The following DLGAP2 variants were observed in gnomAD, a reference collection of about 807,000 sequenced individuals.
DLGAP2 encodes the protein DLG associated protein 2.
Under a neutral mutation model 100.3 loss-of-function variants are expected in DLGAP2, and 26 were observed. The ratio of observed to expected loss-of-function variants is 0.26; its 90% CI spans 0.19 to 0.36. The LOEUF is 0.36. Among genes scored for constraint, DLGAP2 ranks in the 10% least tolerant of loss-of-function variants. The pLI is 1.00. For synonymous variants in DLGAP2, 886 were observed against 630.1 expected (o/e 1.41, Z -6.08); for missense variants, 1,858 against 1,453.2 (o/e 1.28, Z -4.53).
At chr8:1,068,833 A>G (rs6559208) in intron 2 of DLGAP2, among the ~76,000 whole-genome samples, 61,982 of 151,938 alleles carry the variant, frequency 0.41, 13,427 homozygotes, top group African/African-American at 0.57. Flanking sequence ...TCTCCAGCCC[A>G]TCCTCTCCCT....
Position 1,701,272 on chromosome 8 carries a change from C to A in DLGAP2, c.3034C>A (p.Pro1012Thr). The change falls in exon 15 of 15, where the codon CCC (proline) becomes ACC (threonine). Residue 1012 changes from proline (P) to threonine (T), a missense_variant. Physicochemically the swap from Pro to Thr is conservative, Grantham distance 38. Transcript: ENST00000637795. The stretch of plus-strand genomic sequence containing the variant: ...CACAAGAGAAAAATCCCTGGACCTG[C>A]CCGACAGACAACGCCAGGAAGCCCG... ...PITREKSLDLPDRQRQEARRR... is the reference protein window; with the variant it reads ...PITREKSLDLTDRQRQEARRR... The A allele has an allele frequency of 6.3e-7, 1 of 1,583,378 alleles. No homozygotes were observed. The highest frequency in any genetic ancestry group is 8.6e-7 in the Non-Finnish European group (1 of 1,165,602).
At chr8:1,459,395 C>T (rs1798410258) in intron 3 of DLGAP2, among the ~76,000 whole-genome samples, 1 of 152,228 alleles carries the variant, frequency 6.6e-6, no homozygotes, top group Admixed American at 6.5e-5. Flanking sequence ...TTTTAAGCGC[C>T]ACGTTCAGAG....
rs76502851 is a variant in DLGAP2, at chr8:1,426,122, G to A, written c.107-75244G>A. Reference sequence around the variant, plus strand: ...GGTAGGGCAAGAGGAGGAAGAAACCGGCTCAGCTGCTGGAGAAACTCACCT... The same window carrying A: ...GGTAGGGCAAGAGGAGGAAGAAACCAGCTCAGCTGCTGGAGAAACTCACCT... On this transcript the variant is annotated intron_variant, in intron 3 of 14. Transcript: ENST00000637795. Among the ~76,000 whole-genome samples, 564 of 152,242 alleles carry A rather than the reference G, an allele frequency of 3.7e-3. 4 individuals are homozygous for A. The highest frequency in any genetic ancestry group is 0.013 in the African/African-American group (530 of 41,548).
intron 2 of DLGAP2, among the ~76,000 whole-genome samples, chr8:1,242,257 T>C (rs4976874): frequency 0.86 from 130,996 of 151,742 alleles, 56,661 homozygotes; most frequent in Middle Eastern, 0.93. Flanking sequence ...AGAGGGGAGG[T>C]CGGGGGAAAG....
At chr8:1,040,561 TGTGGTCGGCTCGGTTTCC>T (rs1318555058) in intron 2 of DLGAP2, among the ~76,000 whole-genome samples, 2 of 91,274 alleles carry the variant, frequency 2.2e-5, no homozygotes, top group Admixed American at 1.2e-4. Flanking sequence ...GCTCGGTGCG[TGTGGTCGGCTCGGTTTCC>T]GTGGTCGGCT....
At chr8:900,532 C>G (rs1293608237) in intron 1 of DLGAP2, among the ~76,000 whole-genome samples, 2 of 152,200 alleles carry the variant, frequency 1.3e-5, no homozygotes, top group Admixed American at 1.3e-4. Flanking sequence ...AGCAAATATG[C>G]AGTGTGTGGG....
intron 2 of DLGAP2, among the ~76,000 whole-genome samples, chr8:950,790 T>G (rs1799460497): frequency 6.6e-6 from 1 of 151,626 alleles, no homozygotes; most frequent in Admixed American, 6.6e-5. Context: ...CCCGGCTAAT[T>G]TTTTTGTATT....
chr8:1,385,888 C>T (rs889673979), intron 3 of DLGAP2, among the ~76,000 whole-genome samples: 3 of 152,240 alleles, frequency 2.0e-5, no homozygotes, highest in African/African-American at 7.2e-5. Flanking sequence ...GTGCCCGGCC[C>T]CTGAGAACTT....
In DLGAP2 at chr8:1,703,433, A is replaced by T. The variant is rs986190140; in HGVS notation, c.*2027A>T. On this transcript the variant is annotated 3_prime_UTR_variant, in exon 15 of 15. Transcript: ENST00000637795. ...GGTAATGACGCTTCTTCCTATATCC[A>T]CTCTTATTATGTTAAAACAAATGTA... 1.3e-5 allele frequency: 2 copies of T among 152,442 alleles called. No homozygotes were observed. Among genetic ancestry groups the T allele is most frequent in the Admixed American group, 6.5e-5 (1 of 15,268 alleles). The allele number at this position is 152,442 out of a possible 1,614,324, so 9.4% of individuals were successfully genotyped here. A position where few individuals can be genotyped will look rare whatever the true frequency, so the allele number is the denominator to read the frequency against.
At position 1,634,611 on chromosome 8, in the gene DLGAP2, A is replaced by G. The variant is rs142682500; in HGVS notation, c.1810+1565A>G. 5.9e-5 allele frequency among the ~76,000 whole-genome samples: 9 copies of G among 152,330 alleles called. No homozygotes were observed. The East Asian group carries it at 1.7e-3, about 29-fold the overall frequency. ...CAGGGAAGTAATGAGATTTACAATG[A>G]TTGCATTGAAAAACAGCGGTCCAAG... is the stretch of plus-strand genomic sequence containing the variant. On this transcript the variant is annotated intron_variant, in intron 8 of 14. Transcript: ENST00000637795.
chr8:1,587,196 A>C (rs1027107754), intron 6 of DLGAP2, among the ~76,000 whole-genome samples: 9 of 152,242 alleles, frequency 5.9e-5, no homozygotes, highest in Non-Finnish European at 1.3e-4. Flanking sequence ...GTCTCTTTGC[A>C]GAAATCCATT....
At chr8:987,106 T>C (rs1051393213) in intron 2 of DLGAP2, among the ~76,000 whole-genome samples, 1 of 152,182 alleles carries the variant, frequency 6.6e-6, no homozygotes, top group Non-Finnish European at 1.5e-5. Context: ...TTCCTATACT[T>C]CTTTGGGCAT....
chr8:1,105,886 AGGG>A (rs1374816753), intron 2 of DLGAP2, among the ~76,000 whole-genome samples: 1 of 134,382 alleles, frequency 7.4e-6, no homozygotes. Flanking sequence ...TTTCTATTGA[AGGG>A]GGGCCATTCT....
At chr8:1,033,381 G>A (rs1178875806) in intron 2 of DLGAP2, among the ~76,000 whole-genome samples, 1 of 152,318 alleles carries the variant, frequency 6.6e-6, no homozygotes, top group African/African-American at 2.4e-5. Context: ...GCTTAGCTGG[G>A]GGTTGGGGGT....
At chr8:1,258,605 A>ATTT (rs111517773) in intron 2 of DLGAP2, among the ~76,000 whole-genome samples, 61 of 151,950 alleles carry the variant, frequency 4.0e-4, no homozygotes, top group East Asian at 3.7e-3. Flanking sequence ...ATTAAAAAAA[A>ATTT]TTTTTTTTAA....
rs186114378 is a variant in DLGAP2, at chr8:1,425,449, C to A, written c.107-75917C>A. Among the ~76,000 whole-genome samples the A allele has an allele frequency of 1.3e-3, 194 of 152,232 alleles. 2 individuals carry two copies. The highest frequency in any genetic ancestry group is 4.5e-3 in the African/African-American group (187 of 41,542). ...CCAGGGACCCATCAGGAACCTGGTA[C>A]CTGTTTAAGAAAGAAAGAAGTGTCT... On this transcript the variant is annotated intron_variant, in intron 3 of 14. Coordinates refer to ENST00000637795, the MANE Select transcript of DLGAP2 (RefSeq NM_001346810.2).
chr8:1,244,549 A>G (rs1798865347), intron 2 of DLGAP2, among the ~76,000 whole-genome samples: 1 of 152,224 alleles, frequency 6.6e-6, no homozygotes, highest in Admixed American at 6.5e-5. Flanking sequence ...CTAAAGAATG[A>G]GTAGGATTTC....
At chr8:935,642 G>A (rs1043986381) in intron 2 of DLGAP2, among the ~76,000 whole-genome samples, 1 of 152,046 alleles carries the variant, frequency 6.6e-6, no homozygotes, top group Admixed American at 6.6e-5. Flanking sequence ...TTTCAGGGCC[G>A]GGTGTGCCTC....
In DLGAP2 at chr8:1,411,881, C is replaced by T. The variant is rs144576537; in HGVS notation, c.107-89485C>T. ...GTGGGCCCTGGTGGTGCGGCACACT[C>T]ATCCAGGCCTTTGCAAGTGGGACAC... On this transcript the variant is annotated intron_variant, in intron 3 of 14. Transcript: ENST00000637795. 3.7e-4 allele frequency among the ~76,000 whole-genome samples: 56 copies of T among 152,224 alleles called. 1 individual carries two copies. The highest frequency in any genetic ancestry group is 1.3e-3 in the African/African-American group (56 of 41,548).
Sources: allele counts gnomAD v4.1 joint callset (sites outside exome capture counted in the v4.1 genomes callset), GRCh38; gene constraint gnomAD v4.1.1; transcripts MANE v1.5; gene names NCBI Gene and HGNC (gene_info 2026-07-23, HGNC 2026-07-21).